Variants in KIF2A observed in about 807,000 individuals in gnomAD.
The protein encoded by KIF2A is kinesin-like protein KIF2A.
In KIF2A, 22 loss-of-function variants were observed where a neutral mutation model predicts 100.2. The ratio of observed to expected loss-of-function variants is 0.22; its 90% CI spans 0.16 to 0.31. The LOEUF (loss-of-function observed/expected upper bound fraction) is 0.31. Among genes scored for constraint, KIF2A ranks in the 10% least tolerant of loss-of-function variants. The probability of loss-of-function intolerance (pLI) is 1.00; values close to 1 mark genes in which losing one functional copy is unlikely to be tolerated. For synonymous variants in KIF2A, 268 were observed against 285.9 expected, an observed-to-expected ratio of 0.94 and a Z score of 0.63; for missense variants, 495 against 898.7, an observed-to-expected ratio of 0.55 and a Z score of 5.74.
chr5:62,362,475 G>A lies in KIF2A; in HGVS notation c.1053G>A (p.Lys351=). ...LAARDVFLML[K]KPNYKKLELQ... Reference sequence around the variant, plus strand: ...CTCGAGATGTCTTTTTAATGCTAAAGAAGCCAAACTATAAGAAGCTAGAAC... The same window carrying A: ...CTCGAGATGTCTTTTTAATGCTAAAAAAGCCAAACTATAAGAAGCTAGAAC... The change falls in exon 12 of 21, where the codon AAG becomes AAA. Residue 351 remains lysine (K), a synonymous_variant. Transcript: ENST00000407818. 1.4e-6 allele frequency: 2 copies of A among 1,459,100 alleles called. No individual in the cohort carries two copies. Among genetic ancestry groups the A allele is most frequent in the South Asian group, 1.6e-5 (1 of 62,806 alleles). 90.4% of individuals were successfully genotyped at this position (1,459,100 alleles called of 1,614,324 possible). A position where few individuals can be genotyped will look rare whatever the true frequency, so the allele number is the denominator to read the frequency against.
intron 1 of KIF2A, among the ~76,000 whole-genome samples, chr5:62,321,706 A>G (rs745514705): frequency 2.6e-5 from 4 of 151,652 alleles, no homozygotes; most frequent in Non-Finnish European, 4.4e-5. Context: ...GGGACTACAG[A>G]TGCACACCAC....
At chr5:62,331,601 C>G (rs1302553758) in intron 1 of KIF2A, among the ~76,000 whole-genome samples, 2 of 151,658 alleles carry the variant, frequency 1.3e-5, no homozygotes, top group Non-Finnish European at 2.9e-5. Context: ...AGAAAAAAAA[C>G]AAAATTATAA....
chr5:62,352,770 T>TC lies in KIF2A; in HGVS notation c.457+61dup, dbSNP rs1221591968. On this transcript the variant is annotated intron_variant, in intron 5 of 20. Transcript: ENST00000407818. ...TAGGCATACATGTATTCTCTCTTGG[T>TC]CATCCTTTTAAGTCCTCAAAGAGTA... The TC allele has an allele frequency of 4.2e-6, 6 of 1,441,874 alleles. No individual in the cohort carries two copies. The African/African-American group carries it at 7.2e-5, about 17-fold the overall frequency. 89.3% of individuals were successfully genotyped at this position (1,441,874 alleles called of 1,614,324 possible). A position where few individuals can be genotyped will look rare whatever the true frequency, so the allele number is the denominator to read the frequency against.
At chr5:62,379,388 C>T (rs1741681966) in intron 19 of KIF2A, among the ~76,000 whole-genome samples, 1 of 150,132 alleles carries the variant, frequency 6.7e-6, no homozygotes, top group East Asian at 2.0e-4. Flanking sequence ...TATGACCAGG[C>T]GTGGTGGCTC....
intron 1 of KIF2A, among the ~76,000 whole-genome samples, chr5:62,338,710 C>T (rs947024009): frequency 6.6e-6 from 1 of 152,084 alleles, no homozygotes; most frequent in Admixed American, 6.6e-5. Flanking sequence ...CATTTGACTA[C>T]ATTAGAATTA....
intron 17 of KIF2A, among the ~76,000 whole-genome samples, chr5:62,372,936 A>G (rs900337737): frequency 1.3e-5 from 2 of 152,060 alleles, no homozygotes; most frequent in Non-Finnish European, 2.9e-5. Context: ...CTCTTGACAT[A>G]GAAAGTTTAC....
At chr5:62,370,708 TCTATC>T (rs1432367176) in intron 16 of KIF2A, among the ~76,000 whole-genome samples, 2 of 152,128 alleles carry the variant, frequency 1.3e-5, no homozygotes, top group Non-Finnish European at 2.9e-5. Flanking sequence ...GACAGTGGCC[TCTATC>T]CTGAAGCAGA....
intron 9 of KIF2A, among the ~76,000 whole-genome samples, chr5:62,360,862 G>A (rs1748372196): frequency 6.6e-6 from 1 of 151,882 alleles, no homozygotes; most frequent in South Asian, 2.1e-4. Context: ...TTATTTAGAT[G>A]GTCTATAGAT....
At chr5:62,309,315 A>T (rs1201627671) in intron 1 of KIF2A, among the ~76,000 whole-genome samples, 1 of 152,204 alleles carries the variant, frequency 6.6e-6, no homozygotes, top group African/African-American at 2.4e-5. Flanking sequence ...GAAATTAGGG[A>T]AGTCATCACA....
chr5:62,352,280 G>C (rs900932408), intron 4 of KIF2A, among the ~76,000 whole-genome samples: 2 of 151,822 alleles, frequency 1.3e-5, no homozygotes, highest in African/African-American at 4.8e-5. Context: ...TATTTTAAAG[G>C]ATTATTAAAA....
chr5:62,349,776 A>C (rs1747756947), intron 3 of KIF2A, among the ~76,000 whole-genome samples: 1 of 152,182 alleles, frequency 6.6e-6, no homozygotes, highest in Admixed American at 6.5e-5. Context: ...CTCATCGATG[A>C]GATGGGAATA....
At chr5:62,317,747 C>G (rs961260493) in intron 1 of KIF2A, among the ~76,000 whole-genome samples, 1 of 152,160 alleles carries the variant, frequency 6.6e-6, no homozygotes, top group African/African-American at 2.4e-5. Context: ...GTCCCTTCAT[C>G]TGATTTCTTT....
At chr5:62,359,583 C>G (rs1270848944) in intron 9 of KIF2A, among the ~76,000 whole-genome samples, 3 of 151,968 alleles carry the variant, frequency 2.0e-5, no homozygotes, top group Non-Finnish European at 4.4e-5. Flanking sequence ...GAAGAGTCCA[C>G]TTTTCCTTTT....
chr5:62,362,323 T>C, intron 11 of KIF2A, 127 bp from the exon 12 acceptor site: 2 of 390,918 alleles, frequency 5.1e-6, no homozygotes, highest in Non-Finnish European at 9.2e-6. Flanking sequence ...ATTCACTTTC[T>C]CATTTTTATT....
chr5:62,309,204 C>T (rs1283509063), intron 1 of KIF2A, among the ~76,000 whole-genome samples: 1 of 152,156 alleles, frequency 6.6e-6, no homozygotes, highest in Non-Finnish European at 1.5e-5. Flanking sequence ...TCAGCCTTCA[C>T]CTTCAGCCTA....
intron 1 of KIF2A, among the ~76,000 whole-genome samples, chr5:62,318,568 T>C (rs765626890): frequency 6.6e-6 from 1 of 152,234 alleles, no homozygotes; most frequent in Non-Finnish European, 1.5e-5. Context: ...TGCTTTTAAG[T>C]GTACATGCTG....
chr5:62,385,427 T>C lies in KIF2A; in HGVS notation c.2150-57T>C, dbSNP rs568117938. 31 of 1,243,894 alleles carry C rather than the reference T, an allele frequency of 2.5e-5. No homozygotes were observed. In the South Asian group the frequency reaches 4.0e-4, roughly 16 times the overall value. 77.1% of individuals were successfully genotyped at this position (1,243,894 alleles called of 1,614,324 possible). A position where few individuals can be genotyped will look rare whatever the true frequency, so the allele number is the denominator to read the frequency against. ...TGACTTGATTGAACCCATAAAGTTG[T>C]AAACTCTTACTGCGTGTAATACAAT... On this transcript the variant is annotated intron_variant, in intron 20 of 20. Transcript: ENST00000407818.
At chr5:62,318,112 C>G (rs1418519192) in intron 1 of KIF2A, among the ~76,000 whole-genome samples, 1 of 151,518 alleles carries the variant, frequency 6.6e-6, no homozygotes, top group Non-Finnish European at 1.5e-5. Flanking sequence ...GAGACAGAGT[C>G]TTGGTCTGTC....
At chr5:62,370,128 G>A (rs1309156) in intron 16 of KIF2A, among the ~76,000 whole-genome samples, 73,666 of 151,902 alleles carry the variant, frequency 0.48, 18,686 homozygotes, top group East Asian at 0.63. Flanking sequence ...TAAAAAATTC[G>A]GTTAGACAGA....
Sources: gnomAD v4.1 joint callset for allele counts (sites outside exome capture counted in the v4.1 genomes callset) on GRCh38, gnomAD v4.1.1 for gene constraint, MANE v1.5 for transcripts, NCBI Gene and HGNC (gene_info 2026-07-23, HGNC 2026-07-21) for gene names.